The following SLC25A31 variants were observed in gnomAD, a reference collection of about 807,000 sequenced individuals.
SLC25A31 encodes solute carrier family 25 member 31.
SLC25A31 carries 40 observed loss-of-function variants against 36.2 expected under a neutral mutation model. The ratio of observed to expected loss-of-function variants is 1.10; its 90% CI spans 0.86 to 1.44. SLC25A31 has a LOEUF of 1.44. Among genes scored for constraint, SLC25A31 ranks in the 40% most tolerant of loss-of-function variants. The pLI, the probability that SLC25A31 is intolerant of heterozygous loss-of-function variation, is 0.00. For synonymous variants in SLC25A31, 143 were observed against 149.7 expected, an observed-to-expected ratio of 0.96 and a Z score of 0.32; for missense variants, 350 against 397.1, an observed-to-expected ratio of 0.88 and a Z score of 1.01.
At chr4:127,772,321 T>G (rs937129581) in intron 5 of SLC25A31, among the ~76,000 whole-genome samples, 5 of 152,222 alleles carry the variant, frequency 3.3e-5, no homozygotes, top group Non-Finnish European at 7.3e-5. Flanking sequence ...ATTTATCCAT[T>G]TCTTATGACT....
At chr4:127,763,937 G>A (rs1024847762) in intron 2 of SLC25A31, among the ~76,000 whole-genome samples, 2 of 152,024 alleles carry the variant, frequency 1.3e-5, no homozygotes, top group East Asian at 1.9e-4. Flanking sequence ...AGTATACAGC[G>A]TAAAGAGATG....
chr4:127,754,849 A>G (rs1732000186), intron 2 of SLC25A31, among the ~76,000 whole-genome samples: 2 of 152,184 alleles, frequency 1.3e-5, no homozygotes, highest in South Asian at 4.1e-4. Flanking sequence ...ATCACAAAAT[A>G]CCCACAAAAA....
At chr4:127,764,487 G>T in intron 3 of SLC25A31, 127 bp downstream of exon 3, 2 of 721,618 alleles carry the variant, frequency 2.8e-6, no homozygotes, top group South Asian at 2.2e-5. Flanking sequence ...TCAACCAAAT[G>T]GTGGAGTCAT....
chr4:127,768,925 T>A, intron 5 of SLC25A31, 48 bp downstream of exon 5: 3 of 1,494,272 alleles, frequency 2.0e-6, no homozygotes, highest in Non-Finnish European at 2.7e-6. Context: ...TTAATATCTC[T>A]GATATTTAGG....
At position 127,767,171 on chromosome 4, in the gene SLC25A31, G is replaced by T. The variant is rs769144214; in HGVS notation, c.584G>T (p.Gly195Val). The change falls in exon 4 of 6, where the codon GGC (glycine) becomes GTC (valine). Residue 195 changes from glycine (G) to valine (V), a missense_variant. Transcript: ENST00000281154. The stretch of plus-strand genomic sequence containing the variant: ...CAAGGGTTTGGTGTTTCAGTACAGG[G>T]CATCATTGTGTACCGAGCCTCTTAT... ...LYQGFGVSVQGIIVYRASYFG... is the reference protein window; with the variant it reads ...LYQGFGVSVQVIIVYRASYFG... 1 of 1,613,214 alleles carries T rather than the reference G, an allele frequency of 6.2e-7. No homozygotes were observed. Among genetic ancestry groups the T allele is most frequent in the East Asian group, 2.2e-5 (1 of 44,788 alleles).
intron 2 of SLC25A31, among the ~76,000 whole-genome samples, chr4:127,761,869 A>C (rs1206262038): frequency 2.0e-5 from 3 of 152,216 alleles, no homozygotes; most frequent in African/African-American, 7.2e-5. Flanking sequence ...TCAGTTCCCA[A>C]GAAAGAGGCT....
intron 1 of SLC25A31, among the ~76,000 whole-genome samples, chr4:127,738,506 T>C (rs1007002570): frequency 6.6e-6 from 1 of 152,236 alleles, no homozygotes; most frequent in Non-Finnish European, 1.5e-5. Context: ...TTTGTATTTA[T>C]GGAGACTTGC....
intron 4 of SLC25A31, among the ~76,000 whole-genome samples, 181 bp downstream of exon 4, chr4:127,767,401 G>A (rs1447741701): frequency 1.3e-5 from 2 of 152,186 alleles, no homozygotes; most frequent in African/African-American, 2.4e-5. Context: ...TATAACTGCA[G>A]TATGGATCTG....
chr4:127,773,289 A>G, intron 5 of SLC25A31, 97 bp from the exon 6 acceptor site: 1 of 1,127,604 alleles, frequency 8.9e-7, no homozygotes, highest in South Asian at 1.7e-5. Context: ...GCTACTCAAC[A>G]CAGTGTTTAT....
At chr4:127,744,316 C>T (rs530531574) in intron 1 of SLC25A31, among the ~76,000 whole-genome samples, 15 of 152,182 alleles carry the variant, frequency 9.9e-5, no homozygotes, top group Non-Finnish European at 1.8e-4. Context: ...AACAGCCTTA[C>T]CACCATAGGT....
intron 5 of SLC25A31, among the ~76,000 whole-genome samples, chr4:127,769,439 C>T (rs1253805570): frequency 4.6e-5 from 7 of 152,116 alleles, no homozygotes; most frequent in Admixed American, 3.9e-4. Context: ...ACGTGATGCT[C>T]AAGGGAAATG....
rs1192026133 is a variant in SLC25A31 at position 127,773,659 on chromosome 4, T to A, written c.*85T>A. 2.8e-6 allele frequency: 3 copies of A among 1,087,498 alleles called. No individual in the cohort carries two copies. In the South Asian group the frequency reaches 5.9e-5, roughly 21 times the overall value. 67.4% of individuals were successfully genotyped at this position (1,087,498 alleles called of 1,614,324 possible). A position where few individuals can be genotyped will look rare whatever the true frequency, so the allele number is the denominator to read the frequency against. On this transcript the variant is annotated 3_prime_UTR_variant, in exon 6 of 6. Transcript: ENST00000281154. ...CTGCCATTTGCATACATTTTGATAG[T>A]GTTATTGTCTGTATTTTGTTAAAGT...
At chr4:127,760,908 G>A (rs914328485) in intron 2 of SLC25A31, among the ~76,000 whole-genome samples, 8 of 152,076 alleles carry the variant, frequency 5.3e-5, no homozygotes, top group Admixed American at 3.9e-4. Flanking sequence ...GTGTGGTGGC[G>A]GGCGCCTGTA....
intron 2 of SLC25A31, among the ~76,000 whole-genome samples, chr4:127,760,777 C>T (rs1042625019): frequency 3.3e-5 from 5 of 152,164 alleles, no homozygotes; most frequent in Non-Finnish European, 7.4e-5. Context: ...TGGTGGCTCA[C>T]GCCTGTAATC....
intron 2 of SLC25A31, among the ~76,000 whole-genome samples, chr4:127,746,605 T>C (rs1438163310): frequency 6.6e-6 from 1 of 152,244 alleles, no homozygotes. Context: ...TCTGTTTATG[T>C]CCTTTGCCCA....
chr4:127,733,874 A>G (rs992083551), intron 1 of SLC25A31, among the ~76,000 whole-genome samples: 3 of 152,174 alleles, frequency 2.0e-5, no homozygotes, highest in African/African-American at 7.2e-5. Context: ...CTTTCTTTCC[A>G]TTACAAGAAT....
At chr4:127,732,816 A>G (rs142517254) in intron 1 of SLC25A31, among the ~76,000 whole-genome samples, 3 of 152,330 alleles carry the variant, frequency 2.0e-5, no homozygotes, top group East Asian at 1.9e-4. Flanking sequence ...TTACAAGGAT[A>G]CTATTGCCAT....
chr4:127,751,457 A>C, intron 2 of SLC25A31, among the ~76,000 whole-genome samples: 1 of 152,198 alleles, frequency 6.6e-6, no homozygotes, highest in East Asian at 1.9e-4. Flanking sequence ...TAGACCTAAA[A>C]CCATAAAAAC....
chr4:127,730,518 G>T lies in SLC25A31; in HGVS notation c.-28G>T, dbSNP rs1731495174. On this transcript the variant is annotated 5_prime_UTR_variant, in exon 1 of 6. Coordinates refer to ENST00000281154, the MANE Select transcript of SLC25A31 (RefSeq NM_031291.4). ...GCTCCCGTACTCATTTTTAGCCACT[G>T]CTGCCGGTTTTTATATCCTTCTCCA... 3 of 1,603,570 alleles carry T rather than the reference G, an allele frequency of 1.9e-6. No individual in the cohort carries two copies. The highest frequency in any genetic ancestry group is 2.6e-6 in the Non-Finnish European group (3 of 1,171,396).
Sources: gnomAD v4.1 joint callset for allele counts (sites outside exome capture counted in the v4.1 genomes callset) on GRCh38, gnomAD v4.1.1 for gene constraint, MANE v1.5 for transcripts, NCBI Gene and HGNC (gene_info 2026-07-23, HGNC 2026-07-21) for gene names.